ALG9: variants seen among roughly 807,000 people sequenced by gnomAD.
The protein encoded by ALG9 is alpha-1,2-mannosyltransferase ALG9.
Under a neutral mutation model 81.8 loss-of-function variants are expected in ALG9, and 55 were observed. The ratio of observed to expected loss-of-function variants is 0.67; its 90% CI spans 0.54 to 0.84. ALG9 has a LOEUF of 0.84. ALG9 is among the 40% of genes least tolerant of loss of function. The pLI, the probability that ALG9 is intolerant of heterozygous loss-of-function variation, is 0.00. For missense variants in ALG9, 629 were observed against 745.0 expected, an observed-to-expected ratio of 0.84 and a Z score of 1.81; for synonymous variants, 278 against 274.3, an observed-to-expected ratio of 1.01 and a Z score of -0.13.
At chr11:111,774,114 C>T in the ALG9 span, among the ~76,000 whole-genome samples, 1 of 148,416 alleles carries the variant, frequency 6.7e-6, no homozygotes, top group Non-Finnish European at 1.5e-5. Context: ...GGCCGGGCGC[C>T]ATGGCTCATT....
At chr11:111,794,725 A>T (rs1431500174) in intron 14 of ALG9, among the ~76,000 whole-genome samples, 1 of 152,162 alleles carries the variant, frequency 6.6e-6, no homozygotes, top group Non-Finnish European at 1.5e-5. Flanking sequence ...GTAAGCCTGT[A>T]ATCTAAGCCC....
chr11:111,851,572 TAA>T (rs1205763797), intron 8 of ALG9, among the ~76,000 whole-genome samples: 5 of 151,938 alleles, frequency 3.3e-5, no homozygotes, highest in African/African-American at 1.2e-4. Flanking sequence ...AAAGGTTTTA[TAA>T]AGAGTTAGAG....
intron 13 of ALG9, among the ~76,000 whole-genome samples, chr11:111,825,898 A>C (rs1197947921): frequency 6.6e-6 from 1 of 151,808 alleles, no homozygotes; most frequent in African/African-American, 2.4e-5. Flanking sequence ...CGCCATCTCT[A>C]CTAAAAATAC....
At chr11:111,794,352 C>G (rs1947914978) in intron 14 of ALG9, among the ~76,000 whole-genome samples, 1 of 152,170 alleles carries the variant, frequency 6.6e-6, no homozygotes, top group Non-Finnish European at 1.5e-5. Flanking sequence ...GGCATGATCA[C>G]AAGTCACTGC....
At chr11:111,853,772 A>T (rs1226985483) in intron 6 of ALG9, 36 bp from the exon 7 acceptor site, 4 of 1,536,084 alleles carry the variant, frequency 2.6e-6, no homozygotes, top group Non-Finnish European at 3.6e-6. Flanking sequence ...GAGTTAAATA[A>T]ATACTGACAG....
intron 14 of ALG9, among the ~76,000 whole-genome samples, chr11:111,795,095 C>T (rs1332323265): frequency 6.6e-6 from 1 of 152,152 alleles, no homozygotes; most frequent in Non-Finnish European, 1.5e-5. Flanking sequence ...GTATGTTATA[C>T]TCCACCAGTC....
At position 111,805,441 on chromosome 11, in the gene ALG9, T is replaced by A. The variant is rs1591912066; in HGVS notation, c.1733+4202A>T. Reference sequence around the variant, plus strand: ...GATGTCCTTCAGTAGGTGAATAAACTGTGGCACATCCAGACAATGGAATAT... The same window carrying A: ...GATGTCCTTCAGTAGGTGAATAAACAGTGGCACATCCAGACAATGGAATAT... On this transcript the variant is annotated intron_variant, in intron 14 of 14. Transcript: ENST00000616540. The A allele has an allele frequency of 7.1e-6, 3 of 421,262 alleles. No individual in the cohort carries two copies. The East Asian group carries it at 2.1e-4, about 30-fold the overall frequency. The allele number at this position is 421,262 out of a possible 1,614,324, so 26.1% of individuals were successfully genotyped here. A position where few individuals can be genotyped will look rare whatever the true frequency, so the allele number is the denominator to read the frequency against.
At chr11:111,775,128 T>A in the ALG9 span, among the ~76,000 whole-genome samples, 1 of 152,072 alleles carries the variant, frequency 6.6e-6, no homozygotes, top group Non-Finnish European at 1.5e-5. Context: ...CCAACATAAA[T>A]AGTAGATTTC....
downstream of ALG9, among the ~76,000 whole-genome samples, chr11:111,778,881 C>T (rs994762404): frequency 5.3e-5 from 8 of 151,472 alleles, no homozygotes; most frequent in Admixed American, 1.3e-4. Flanking sequence ...AGGATGCTAC[C>T]TTGGTTCGCC....
chr11:111,862,766 T>G (rs1960780174), intron 4 of ALG9, among the ~76,000 whole-genome samples: 1 of 151,372 alleles, frequency 6.6e-6, no homozygotes, highest in African/African-American at 2.4e-5. Context: ...TTTTTAAATT[T>G]ATTTGGTCAT....
rs562329971 is a variant in ALG9 at position 111,856,086 on chromosome 11, G to A, written c.701+1516C>T. Among the ~76,000 whole-genome samples, 3 of 152,148 alleles carry A rather than the reference G, an allele frequency of 2.0e-5. No individual in the cohort carries two copies. In the South Asian group the frequency reaches 6.2e-4, roughly 32 times the overall value. ...GAGGTCAGGAGTTCGAGACCAGCCTGGCCAATATGGTAAAACCTCGTCTCT... is the reference window on the plus strand; with the variant it reads ...GAGGTCAGGAGTTCGAGACCAGCCTAGCCAATATGGTAAAACCTCGTCTCT... On this transcript the variant is annotated intron_variant, in intron 6 of 14. Transcript: ENST00000616540.
rs57311061 is a variant in ALG9, at chr11:111,812,915, C to CAAAAA, written c.1603-3147_1603-3143dup. 7.9e-3 allele frequency among the ~76,000 whole-genome samples: 782 copies of CAAAAA among 98,696 alleles called. 63 individuals carry two copies. Among genetic ancestry groups the CAAAAA allele is most frequent in the African/African-American group, 0.032 (612 of 19,064 alleles). 64.7% of individuals were successfully genotyped at this position (98,696 alleles called of 152,430 possible). A position where few individuals can be genotyped will look rare whatever the true frequency, so the allele number is the denominator to read the frequency against. The stretch of plus-strand genomic sequence containing the variant: ...CTGGTGACAGAGCAAGACTCTGTCT[C>CAAAAA]AAAAAAAAAAAAAAAAAAGAAATTA... On this transcript the variant is annotated intron_variant, in intron 13 of 14. Transcript: ENST00000616540.
intron 6 of ALG9, among the ~76,000 whole-genome samples, chr11:111,856,334 G>C (rs569231018): frequency 6.9e-6 from 1 of 144,926 alleles, no homozygotes. Context: ...GGTTATAACA[G>C]TAAAAAAATG....
chr11:111,854,095 C>CTTTTT (rs34575358), intron 6 of ALG9, among the ~76,000 whole-genome samples: 2 of 117,778 alleles, frequency 1.7e-5, no homozygotes, highest in African/African-American at 3.3e-5. Flanking sequence ...TTATTACAGA[C>CTTTTT]TTTTTTTTTT....
chr11:111,837,322 A>C, intron 12 of ALG9, 146 bp downstream of exon 12: 1 of 907,828 alleles, frequency 1.1e-6, no homozygotes, highest in South Asian at 1.6e-5. Flanking sequence ...TACACAGTAC[A>C]CAGGCCCCAC....
chr11:111,777,875 CTTG>C (rs1244371103), downstream of ALG9, among the ~76,000 whole-genome samples: 2 of 152,286 alleles, frequency 1.3e-5, no homozygotes, highest in African/African-American at 2.4e-5. Flanking sequence ...TACATGGTAT[CTTG>C]TTGTTGGTTG....
Position 111,844,584 on chromosome 11 carries a change from T to C in ALG9, c.1018+17A>G, listed in dbSNP as rs1555127127. ...CTCTTTCCTCCCAAAACACCTACCA[T>C]CTCTTATGCCACTCACCATGAAATC... On this transcript the variant is annotated intron_variant, in intron 9 of 14. Transcript: ENST00000616540. 4.3e-6 allele frequency: 7 copies of C among 1,613,684 alleles called. No homozygotes were observed. The highest frequency in any genetic ancestry group is 2.7e-5 in the African/African-American group (2 of 74,862).
In ALG9 at chr11:111,785,789, C is replaced by A. The variant is rs1946400075; in HGVS notation, c.*608G>T. 4.2e-6 allele frequency: 1 copy of A among 239,854 alleles called. No individual in the cohort carries two copies. The highest frequency in any genetic ancestry group is 8.4e-6 in the Non-Finnish European group (1 of 118,994). 14.9% of individuals were successfully genotyped at this position (239,854 alleles called of 1,614,324 possible). A position where few individuals can be genotyped will look rare whatever the true frequency, so the allele number is the denominator to read the frequency against. On this transcript the variant is annotated 3_prime_UTR_variant, in exon 15 of 15. Coordinates refer to ENST00000616540, the MANE Select transcript of ALG9 (RefSeq NM_024740.2). ...AGGTCACAGTTCCTCAAATGGTCAC[C>A]TTTTTCCTGAGATAGCTCCAGGACA...
the ALG9 span, among the ~76,000 whole-genome samples, chr11:111,771,574 T>C: frequency 6.6e-6 from 1 of 152,166 alleles, no homozygotes; most frequent in Admixed American, 6.5e-5. Context: ...AGGCCAAGTG[T>C]AGGAGACCTG....
Sources: allele counts gnomAD v4.1 joint callset (sites outside exome capture counted in the v4.1 genomes callset), GRCh38; gene constraint gnomAD v4.1.1; transcripts MANE v1.5; gene names NCBI Gene and HGNC (gene_info 2026-07-23, HGNC 2026-07-21).